Variants in SEM1 observed in about 807,000 individuals in gnomAD.
SEM1 encodes the protein SEM1 26S proteasome subunit.
Under a neutral mutation model 12.7 loss-of-function variants are expected in SEM1, and 3 were observed. The ratio of observed to expected loss-of-function variants is 0.24; its 90% CI spans 0.11 to 0.61. The LOEUF is 0.61. Ranked by LOEUF, SEM1 falls within the 20% of genes least tolerant of loss-of-function variation. The probability of loss-of-function intolerance (pLI) is 0.88; values close to 1 mark genes in which losing one functional copy is unlikely to be tolerated. For synonymous variants in SEM1, 30 were observed against 27.8 expected, an observed-to-expected ratio of 1.08 and a Z score of -0.25; for missense variants, 59 against 81.3, an observed-to-expected ratio of 0.73 and a Z score of 1.06.
chr7:96,671,403 T>A (rs1789312318), downstream of SEM1, among the ~76,000 whole-genome samples: 1 of 152,122 alleles, frequency 6.6e-6, no homozygotes, highest in South Asian at 2.1e-4. Flanking sequence ...AACTGACATT[T>A]ATGAAGAACT....
intron 2 of SEM1, among the ~76,000 whole-genome samples, chr7:96,627,316 G>T (rs552190799): frequency 3.3e-5 from 5 of 151,688 alleles, no homozygotes; most frequent in South Asian, 2.1e-4. Context: ...GGCTTGGTTT[G>T]CTTTTGCTTT....
At chr7:96,704,662 T>C (rs2116026379) in intron 1 of SEM1, among the ~76,000 whole-genome samples, 1 of 152,336 alleles carries the variant, frequency 6.6e-6, no homozygotes, top group African/African-American at 2.4e-5. Flanking sequence ...CTCCATTTCT[T>C]GCTACCACCA....
chr7:96,574,789 C>T (rs990517593), intron 2 of SEM1, among the ~76,000 whole-genome samples: 4 of 152,216 alleles, frequency 2.6e-5, no homozygotes, highest in African/African-American at 4.8e-5. Context: ...ATGAAGTTCT[C>T]GTGCTGTGTT....
intron 2 of SEM1, among the ~76,000 whole-genome samples, chr7:96,518,115 C>A (rs1438110334): frequency 6.6e-6 from 1 of 152,180 alleles, no homozygotes; most frequent in Non-Finnish European, 1.5e-5. Context: ...TGAGGCAAAT[C>A]ACAGTTTACG....
intron 2 of SEM1, among the ~76,000 whole-genome samples, chr7:96,595,011 A>G (rs1205157615): frequency 7.2e-5 from 11 of 152,184 alleles, no homozygotes; most frequent in Admixed American, 7.2e-4. Flanking sequence ...TTACTGCAAA[A>G]TAAAACTTAA....
chr7:96,691,667 G>A lies in SEM1; in HGVS notation c.171-2701C>T, dbSNP rs181162247. On this transcript the variant is annotated intron_variant, in intron 2 of 2. Coordinates refer to ENST00000248566, the MANE Select transcript of SEM1 (RefSeq NM_006304.2). ...AAGACTAGGAAGAATAACTTTGTGT[G>A]AGTCTTTTAATCAAGACAAATTTTT... 2.2e-3 allele frequency among the ~76,000 whole-genome samples: 331 copies of A among 152,346 alleles called. 9 individuals are homozygous for A. The highest frequency in any genetic ancestry group is 0.021 in the Admixed American group (325 of 15,308).
rs1804106451 is a variant in SEM1, at chr7:96,516,723, C to T, written c.171-10025G>A. 2.0e-5 allele frequency among the ~76,000 whole-genome samples: 3 copies of T among 152,140 alleles called. 1 individual carries two copies. In the East Asian group the frequency reaches 5.8e-4, roughly 29 times the overall value. On this transcript the variant is annotated intron_variant and NMD_transcript_variant, in intron 2 of 3. Transcript: ENST00000466986. ...TTCTTACCATAGGATCCAGTAATCA[C>T]ACTCTGGTATTTATCTAAAGGAGTT...
At chr7:96,708,955 T>C (rs1213177377) in intron 1 of SEM1, among the ~76,000 whole-genome samples, 1 of 150,894 alleles carries the variant, frequency 6.6e-6, no homozygotes, top group South Asian at 2.1e-4. Flanking sequence ...AAAAAAAAAA[T>C]GTGTAAGGTT....
At chr7:96,589,443 G>A (rs533728781) in intron 2 of SEM1, among the ~76,000 whole-genome samples, 4 of 152,076 alleles carry the variant, frequency 2.6e-5, no homozygotes, top group African/African-American at 9.6e-5. Flanking sequence ...TACCTTTTAG[G>A]GATACCCCCG....
At chr7:96,565,255 A>G (rs1438188552) in intron 2 of SEM1, among the ~76,000 whole-genome samples, 1 of 151,958 alleles carries the variant, frequency 6.6e-6, no homozygotes, top group Non-Finnish European at 1.5e-5. Flanking sequence ...TCCCCCAAAT[A>G]GGCTAATTGT....
Position 96,492,570 on chromosome 7 carries a change from C to T in SEM1, c.12+3714G>A, listed in dbSNP as rs141269351. ...GACTACAAGTGTGTGCCACCATGCC[C>T]GACTAATTTTTTGTATTTTTTTTTT... is the stretch of plus-strand genomic sequence containing the variant. On this transcript the variant is annotated intron_variant, in intron 1 of 3. Transcript: ENST00000356686. Among the ~76,000 whole-genome samples, 577 of 149,788 alleles carry T rather than the reference C, an allele frequency of 3.9e-3. 9 individuals carry two copies. The highest frequency in any genetic ancestry group is 0.026 in the East Asian group (133 of 5,022).
intron 2 of SEM1, chr7:96,645,869 T>G (rs1055701999): frequency 1.0e-5 from 4 of 398,348 alleles, no homozygotes; most frequent in African/African-American, 6.2e-5. Context: ...ACTCTGGGAA[T>G]GGAGGTGGGC....
intron 2 of SEM1, among the ~76,000 whole-genome samples, chr7:96,547,907 T>C (rs1805152770): frequency 6.6e-6 from 1 of 152,124 alleles, no homozygotes; most frequent in South Asian, 2.1e-4. Flanking sequence ...ACTGTAAAGA[T>C]TGGTGACCAG....
chr7:96,592,150 C>T (rs1197545024), intron 2 of SEM1, among the ~76,000 whole-genome samples: 1 of 151,916 alleles, frequency 6.6e-6, no homozygotes, highest in Non-Finnish European at 1.5e-5. Flanking sequence ...AGAAATTCCA[C>T]AGATGGGATG....
intron 2 of SEM1, among the ~76,000 whole-genome samples, chr7:96,607,127 C>G (rs1443914169): frequency 6.6e-6 from 1 of 152,116 alleles, no homozygotes; most frequent in Admixed American, 6.5e-5. Flanking sequence ...CTATTATGTG[C>G]CAGAAACTGC....
chr7:96,703,455 C>A, intron 1 of SEM1, among the ~76,000 whole-genome samples: 1 of 151,906 alleles, frequency 6.6e-6, no homozygotes. Flanking sequence ...GAGATTATTT[C>A]AAAATAAAAA....
At chr7:96,547,793 C>G (rs550517661) in intron 2 of SEM1, among the ~76,000 whole-genome samples, 3 of 152,152 alleles carry the variant, frequency 2.0e-5, no homozygotes, top group Admixed American at 2.0e-4. Context: ...CCCGGATCTT[C>G]CCTGTACACA....
At chr7:96,696,336 C>T (rs1175685913) in intron 1 of SEM1, 5 of 151,916 alleles carry the variant, frequency 3.3e-5, no homozygotes, top group African/African-American at 1.2e-4. Flanking sequence ...ATAGTTCTTT[C>T]GTATTACTAT....
chr7:96,673,387 T>C (rs1202071664), downstream of SEM1: 2 of 185,596 alleles, frequency 1.1e-5, no homozygotes, highest in Non-Finnish European at 2.3e-5. Flanking sequence ...AGTGCTGGGA[T>C]TACAGGCATG....
Sources: gnomAD v4.1 joint callset for allele counts (sites outside exome capture counted in the v4.1 genomes callset) on GRCh38, gnomAD v4.1.1 for gene constraint, MANE v1.5 for transcripts, NCBI Gene and HGNC (gene_info 2026-07-23, HGNC 2026-07-21) for gene names.